The following CHPT1 variants were observed in gnomAD, a reference collection of about 807,000 sequenced individuals.
CHPT1 encodes choline phosphotransferase 1, also known as cholinephosphotransferase 1.
CHPT1 carries 36 observed loss-of-function variants against 47.6 expected under a neutral mutation model. The observed-to-expected ratio is 0.76, with a 90% CI of 0.58 to 1.00. CHPT1 has a LOEUF of 1.00. Among genes scored for constraint, CHPT1 ranks in the 50% least tolerant of loss-of-function variants. CHPT1 has a pLI of 0.00. For synonymous variants in CHPT1, 194 were observed against 186.3 expected, an observed-to-expected ratio of 1.04 and a Z score of -0.33; for missense variants, 458 against 498.1, an observed-to-expected ratio of 0.92 and a Z score of 0.77.
chr12:101,720,374 G>A (rs1425595962), intron 5 of CHPT1, 120 bp downstream of exon 5: 2 of 866,372 alleles, frequency 2.3e-6, no homozygotes, highest in African/African-American at 1.7e-5. Flanking sequence ...GTATCTTAAA[G>A]AATTCATTTT....
intron 3 of CHPT1, chr12:101,715,214 A>G (rs1325209171): frequency 6.6e-6 from 1 of 152,256 alleles, no homozygotes; most frequent in African/African-American, 2.4e-5. Context: ...TAGTGCACAA[A>G]GCAGGAATAC....
chr12:101,728,905 A>G lies in CHPT1; in HGVS notation c.1181A>G (p.Gln394Arg). The G allele has an allele frequency of 6.2e-7, 1 of 1,613,466 alleles. No individual in the cohort carries two copies. Among genetic ancestry groups the G allele is most frequent in the Non-Finnish European group, 8.5e-7 (1 of 1,179,656 alleles). ...TAATTGTATCATATTACTTAGGTTC[A>G]AGTTCTTTCTTCAAAGAGTCATCAG... ...TACHQAPEQV[Q>R]VLSSKSHQNN... The change falls in exon 9 of 9, where the codon CAA becomes CGA. Residue 394 changes from glutamine (Q) to arginine (R), a missense_variant. By Grantham distance (43) the Gln-to-Arg change is conservative. Coordinates refer to ENST00000229266, the MANE Select transcript of CHPT1 (RefSeq NM_020244.3).
At chr12:101,701,418 G>A (rs1443149915) in intron 1 of CHPT1, among the ~76,000 whole-genome samples, 1 of 152,084 alleles carries the variant, frequency 6.6e-6, no homozygotes, top group Non-Finnish European at 1.5e-5. Context: ...TGTGTATCAG[G>A]GATGATTTTA....
chr12:101,710,002 C>G (rs1195485730), intron 1 of CHPT1, among the ~76,000 whole-genome samples: 1 of 149,182 alleles, frequency 6.7e-6, no homozygotes, highest in Non-Finnish European at 1.5e-5. Context: ...ATGATAATAA[C>G]TGCCCTATCT....
chr12:101,713,971 G>A (rs147240250), intron 1 of CHPT1, 119 bp from the exon 2 acceptor site: 8,574 of 583,366 alleles, frequency 0.015, 91 homozygotes, highest in Non-Finnish European at 0.02. Flanking sequence ...TGTAGAATGA[G>A]GGTTAGAAAT....
At chr12:101,723,537 A>G (rs997728906) in intron 6 of CHPT1, among the ~76,000 whole-genome samples, 185 bp from the exon 7 acceptor site, 2 of 152,224 alleles carry the variant, frequency 1.3e-5, no homozygotes, top group African/African-American at 4.8e-5. Context: ...ATATCAAGAA[A>G]TTTAAACACT....
intron 1 of CHPT1, among the ~76,000 whole-genome samples, chr12:101,699,716 C>T (rs1260226433): frequency 2.0e-5 from 3 of 152,148 alleles, no homozygotes; most frequent in Non-Finnish European, 4.4e-5. Flanking sequence ...TAGACATTCC[C>T]ATTGTCATTT....
chr12:101,723,600 T>C, intron 6 of CHPT1, 122 bp from the exon 7 acceptor site: 1 of 680,718 alleles, frequency 1.5e-6, no homozygotes, highest in South Asian at 2.3e-5. Flanking sequence ...TAGAAAAGTA[T>C]TCTTAAATGT....
At chr12:101,718,549 A>T (rs372771708) in intron 4 of CHPT1, among the ~76,000 whole-genome samples, 3 of 152,014 alleles carry the variant, frequency 2.0e-5, no homozygotes. Context: ...AGTCCCAGCT[A>T]CTCAGGAGGC....
chr12:101,720,546 G>C (rs1951832964), intron 5 of CHPT1, among the ~76,000 whole-genome samples: 1 of 152,198 alleles, frequency 6.6e-6, no homozygotes. Context: ...ACTAATAGCA[G>C]AGAGGAGAAA....
Position 101,726,365 on chromosome 12 carries a change from AAATATATTC to A in CHPT1, c.1140_1148del (p.Asn380_Phe382del). 1 of 1,613,148 alleles carries A rather than the reference AAATATATTC, an allele frequency of 6.2e-7. No homozygotes were observed. Among genetic ancestry groups the A allele is most frequent in the South Asian group, 1.1e-5 (1 of 91,044 alleles). On this transcript the variant is annotated inframe_deletion, in exon 8 of 9. Coordinates refer to ENST00000229266, the MANE Select transcript of CHPT1 (RefSeq NM_020244.3). ...TGCAAATTTCAAGACACCTTCATCT[AAATATATTC>A]AAGACTGCATGTCATCAAGCACCTG...
In CHPT1 at chr12:101,723,259, A is replaced by G. The variant is rs1387878971; in HGVS notation, c.872A>G (p.Glu291Gly). The G allele has an allele frequency of 6.2e-7, 1 of 1,612,672 alleles. No homozygotes were observed. Among genetic ancestry groups the G allele is most frequent in the Non-Finnish European group, 8.5e-7 (1 of 1,178,836 alleles). ...IYKKSATDVF[E>G]KHPCLYILMF... ...AAAAAGTCAGCAACTGATGTGTTTG[A>G]AAAGCATCCTTGTCTTTATATCCTA... is the stretch of plus-strand genomic sequence containing the variant. Residue 291 changes from glutamate (E) to glycine (G), a missense_variant, in exon 6 of 9, where the codon GAA becomes GGA. Glu to Gly is a moderately conservative substitution (Grantham distance 98, BLOSUM62 -2). Transcript: ENST00000229266.
At chr12:101,718,661 C>CT (rs1166154545) in intron 4 of CHPT1, among the ~76,000 whole-genome samples, 13 of 135,178 alleles carry the variant, frequency 9.6e-5, no homozygotes, top group African/African-American at 3.1e-4. Context: ...AAGACCCCAT[C>CT]TTTAAAAAAA....
At position 101,725,309 on chromosome 12, in the gene CHPT1, T is replaced by TA. The variant is rs922175348; in HGVS notation, c.1066-974dup. Among the ~76,000 whole-genome samples, 151 of 147,420 alleles carry TA rather than the reference T, an allele frequency of 1.0e-3. 1 individual carries two copies. The highest frequency in any genetic ancestry group is 1.9e-3 in the Non-Finnish European group (124 of 66,446). The stretch of plus-strand genomic sequence containing the variant: ...GACAATGAACGTTTTCAGGCAAAAT[T>TA]AAAAAAAAAAATGTTTAAAAATCAG... On this transcript the variant is annotated intron_variant, in intron 7 of 8. Transcript: ENST00000229266.
At position 101,723,320 on chromosome 12, in the gene CHPT1, A is replaced by G; in HGVS notation, c.933A>G (p.Lys311=). 6.3e-7 allele frequency: 1 copy of G among 1,576,832 alleles called. No individual in the cohort carries two copies. Among genetic ancestry groups the G allele is most frequent in the Non-Finnish European group, 8.6e-7 (1 of 1,159,792 alleles). Residue 311 remains lysine (K), a synonymous_variant, in exon 6 of 9, where the codon AAA becomes AAG. Coordinates refer to ENST00000229266, the MANE Select transcript of CHPT1 (RefSeq NM_020244.3). ...GTGTCTTTGCTAAAGTCTCACAAAAATTAGTGGTAAGAAATTTTTATTATT... is the reference window on the plus strand; with the variant it reads ...GTGTCTTTGCTAAAGTCTCACAAAAGTTAGTGGTAAGAAATTTTTATTATT... The part of the protein sequence containing the change: ...FGCVFAKVSQ[K]LVVAHMTKSE...
intron 1 of CHPT1, among the ~76,000 whole-genome samples, chr12:101,709,042 A>T (rs191770294): frequency 6.7e-6 from 1 of 148,860 alleles, no homozygotes; most frequent in African/African-American, 2.4e-5. Context: ...TTTTTTGAAA[A>T]TAAGTTAACA....
intron 4 of CHPT1, chr12:101,719,450 C>A (rs1323885719): frequency 5.1e-6 from 4 of 789,230 alleles, no homozygotes; most frequent in Non-Finnish European, 7.5e-6. Flanking sequence ...TCTGGCAATT[C>A]ATTGTTACTG....
At chr12:101,698,206 G>A (rs372824014) in intron 1 of CHPT1, 72 bp downstream of exon 1, 1 of 1,361,438 alleles carries the variant, frequency 7.3e-7, no homozygotes, top group East Asian at 3.1e-5. Context: ...GCCGGGGGAA[G>A]GGCGGACCCA....
intron 5 of CHPT1, among the ~76,000 whole-genome samples, chr12:101,721,878 A>G (rs1201477651): frequency 1.3e-5 from 2 of 152,042 alleles, no homozygotes; most frequent in Non-Finnish European, 2.9e-5. Flanking sequence ...GGCCAACACA[A>G]TGAAACCCTG....
Sources: allele counts gnomAD v4.1 joint callset (sites outside exome capture counted in the v4.1 genomes callset), GRCh38; gene constraint gnomAD v4.1.1; transcripts MANE v1.5; gene names NCBI Gene and HGNC (gene_info 2026-07-23, HGNC 2026-07-21).